The following INPP4B variants were observed in gnomAD, a reference collection of about 807,000 sequenced individuals.
The protein encoded by INPP4B is inositol polyphosphate 4-phosphatase type II.
Under a neutral mutation model 122.5 loss-of-function variants are expected in INPP4B, and 55 were observed. The ratio of observed to expected loss-of-function variants is 0.45; its 90% CI spans 0.36 to 0.56. The LOEUF (loss-of-function observed/expected upper bound fraction) is 0.56. INPP4B is among the 20% of genes least tolerant of loss of function. INPP4B has a pLI of 0.00. For missense variants in INPP4B, 1,000 were observed against 1,097.7 expected (o/e 0.91, Z 1.26); for synonymous variants, 403 against 388.7 (o/e 1.04, Z -0.43).
At chr4:142,275,814 C>T (rs1437518436) in intron 9 of INPP4B, among the ~76,000 whole-genome samples, 3 of 151,682 alleles carry the variant, frequency 2.0e-5, no homozygotes, top group African/African-American at 7.3e-5. Flanking sequence ...TATAGGCTCA[C>T]CTTCAGACAT....
At chr4:142,261,306 C>G (rs1481578947) in intron 10 of INPP4B, among the ~76,000 whole-genome samples, 1 of 152,020 alleles carries the variant, frequency 6.6e-6, no homozygotes, top group Non-Finnish European at 1.5e-5. Flanking sequence ...TTCTTCTGGC[C>G]CCAGGAGTTG....
chr4:142,681,636 C>T (rs976775291), intron 2 of INPP4B, among the ~76,000 whole-genome samples: 11 of 151,636 alleles, frequency 7.3e-5, no homozygotes, highest in East Asian at 3.9e-4. Flanking sequence ...AGAAAGAAAA[C>T]GAAAACCAAA....
At chr4:142,180,629 T>C (rs1176108856) in intron 15 of INPP4B, among the ~76,000 whole-genome samples, 2 of 152,188 alleles carry the variant, frequency 1.3e-5, no homozygotes, top group East Asian at 3.8e-4. Flanking sequence ...GTAACTTGAC[T>C]TGGATCACAC....
intron 12 of INPP4B, among the ~76,000 whole-genome samples, chr4:142,223,798 G>C (rs1309021863): frequency 6.6e-6 from 1 of 152,120 alleles, no homozygotes; most frequent in East Asian, 1.9e-4. Flanking sequence ...TATTAATCAG[G>C]TGTGAGTCAA....
chr4:142,030,352 A>T, intron 25 of INPP4B: 2 of 1,471,076 alleles, frequency 1.4e-6, no homozygotes, highest in Non-Finnish European at 1.8e-6. Flanking sequence ...TATAGAGTTC[A>T]CACAGTAAAA....
At chr4:142,836,893 T>A (rs965057853) in intron 1 of INPP4B, among the ~76,000 whole-genome samples, 1 of 152,034 alleles carries the variant, frequency 6.6e-6, no homozygotes, top group Non-Finnish European at 1.5e-5. Flanking sequence ...GGGCCAGGCG[T>A]GGTGGCTCAT....
At chr4:142,105,798 A>C (rs1325473652) in intron 23 of INPP4B, among the ~76,000 whole-genome samples, 1 of 152,178 alleles carries the variant, frequency 6.6e-6, no homozygotes. Flanking sequence ...CATTGACACA[A>C]ATTATCCCTT....
Position 142,145,865 on chromosome 4 carries a change from T to C in INPP4B, c.1695A>G (p.Thr565=), listed in dbSNP as rs1211546988. The C allele has an allele frequency of 1.9e-6, 3 of 1,613,818 alleles. No homozygotes were observed. The highest frequency in any genetic ancestry group is 3.3e-5 in the Admixed American group (2 of 60,008). ...NNDGEKEPSL[T]DAIPSHPRED... ...CTCTTGGGTGAGAGGGAATGGCATC[T>C]GTTAATGAAGGTTCCTTTTCTCCAT... Residue 565 remains threonine (T), a synonymous_variant, in exon 18 of 26, where the codon ACA becomes ACG. Transcript: ENST00000262992.
intron 10 of INPP4B, among the ~76,000 whole-genome samples, chr4:142,269,526 A>G (rs1048291527): frequency 1.3e-5 from 2 of 152,136 alleles, no homozygotes; most frequent in African/African-American, 2.4e-5. Context: ...AACTCATAGA[A>G]GTAGAGGGCA....
intron 2 of INPP4B, among the ~76,000 whole-genome samples, chr4:142,692,602 C>G (rs12500698): frequency 0.66 from 100,746 of 152,044 alleles, 34,468 homozygotes; most frequent in East Asian, 0.81. Flanking sequence ...GCTATTCTTT[C>G]GAGCAGATCT....
At chr4:142,148,546 C>T (rs942252303) in intron 17 of INPP4B, among the ~76,000 whole-genome samples, 47 of 152,008 alleles carry the variant, frequency 3.1e-4, no homozygotes, top group Middle Eastern at 3.4e-3. Context: ...GATCAAGTCG[C>T]GTTGCATGTT....
intron 9 of INPP4B, among the ~76,000 whole-genome samples, chr4:142,303,656 C>A (rs1453487665): frequency 1.3e-5 from 2 of 151,920 alleles, no homozygotes; most frequent in Admixed American, 1.3e-4. Flanking sequence ...TGGCAAAGCA[C>A]AAAACTGGGA....
intron 2 of INPP4B, among the ~76,000 whole-genome samples, chr4:142,565,833 A>G (rs1731501262): frequency 1.3e-5 from 2 of 152,214 alleles, no homozygotes; most frequent in African/African-American, 4.8e-5. Context: ...CGGATAAGAC[A>G]TGTTGATAAG....
chr4:142,128,858 T>A (rs1240262535), intron 18 of INPP4B, among the ~76,000 whole-genome samples: 1 of 152,140 alleles, frequency 6.6e-6, no homozygotes, highest in East Asian at 1.9e-4. Context: ...CTTATGTTAC[T>A]CAGGAGAAAA....
chr4:142,473,012 C>A (rs1198501482), intron 2 of INPP4B, among the ~76,000 whole-genome samples: 2 of 152,148 alleles, frequency 1.3e-5, no homozygotes, highest in Non-Finnish European at 2.9e-5. Context: ...AAATCAAGGT[C>A]TCTCAGATAA....
At chr4:142,305,414 T>A (rs749071335) in intron 9 of INPP4B, 44 bp downstream of exon 9, 1 of 1,419,212 alleles carries the variant, frequency 7.0e-7, no homozygotes, top group Admixed American at 1.9e-5. Context: ...TAAATATCAC[T>A]TGTTATTAAC....
rs983223678 is a variant in INPP4B, at chr4:142,655,059, A to C, written c.-191+70780T>G. On this transcript the variant is annotated intron_variant, in intron 2 of 25. Coordinates refer to ENST00000262992, the MANE Select transcript of INPP4B (RefSeq NM_001101669.3). ...ATTCTCACAGCAACAGTAAGATAAA[A>C]AGTTACAAATCTGATCTAGAATTCA... Among the ~76,000 whole-genome samples the C allele has an allele frequency of 4.6e-5, 7 of 152,356 alleles. No individual in the cohort carries two copies. The Middle Eastern group carries it at 0.017, about 370-fold the overall frequency.
chr4:142,320,827 A>T (rs1769721980), intron 7 of INPP4B, among the ~76,000 whole-genome samples: 1 of 152,072 alleles, frequency 6.6e-6, no homozygotes, highest in South Asian at 2.1e-4. Flanking sequence ...CCATTATTTG[A>T]TTTCTTTTTA....
At chr4:142,232,874 T>C (rs1431710697) in intron 12 of INPP4B, among the ~76,000 whole-genome samples, 1 of 152,128 alleles carries the variant, frequency 6.6e-6, no homozygotes, top group Admixed American at 6.5e-5. Flanking sequence ...GGATAGAAGA[T>C]CAAACCAGCC....
Sources: gnomAD v4.1 joint callset for allele counts (sites outside exome capture counted in the v4.1 genomes callset) on GRCh38, gnomAD v4.1.1 for gene constraint, MANE v1.5 for transcripts, NCBI Gene and HGNC (gene_info 2026-07-23, HGNC 2026-07-21) for gene names.